Variants in CPED1 observed in about 807,000 individuals in gnomAD.
The protein encoded by CPED1 is cadherin-like and PC-esterase domain-containing protein 1.
CPED1 carries 114 observed loss-of-function variants against 128.2 expected under a neutral mutation model. The ratio of observed to expected loss-of-function variants is 0.89; its 90% confidence interval spans 0.76 to 1.04. The LOEUF (loss-of-function observed/expected upper bound fraction) is 1.04, where lower values mean the gene tolerates loss of function less well. Ranked by LOEUF, CPED1 falls within the 50% of genes least tolerant of loss-of-function variation. CPED1 has a pLI of 0.00. For synonymous variants in CPED1, 462 were observed against 426.7 expected (o/e 1.08, Z -1.02); for missense variants, 1,211 against 1,207.1 (o/e 1.00, Z -0.05).
intron 16 of CPED1, among the ~76,000 whole-genome samples, chr7:121,180,759 G>T (rs755030540): frequency 1.3e-5 from 2 of 151,970 alleles, no homozygotes; most frequent in Non-Finnish European, 2.9e-5. Flanking sequence ...TCTACCTATA[G>T]GCTTTAAAAT....
At chr7:121,265,448 T>C (rs1392656287) in intron 18 of CPED1, among the ~76,000 whole-genome samples, 1 of 151,978 alleles carries the variant, frequency 6.6e-6, no homozygotes, top group Non-Finnish European at 1.5e-5. Context: ...AAAAACAGTA[T>C]ATGTGAGAGG....
chr7:121,227,735 A>C (rs968073291), intron 16 of CPED1, among the ~76,000 whole-genome samples: 1 of 152,036 alleles, frequency 6.6e-6, no homozygotes, highest in African/African-American at 2.4e-5. Context: ...TTGTGAGAAA[A>C]ATAAGATAAT....
In CPED1 at chr7:121,295,777, A is replaced by G; in HGVS notation, c.*125A>G. The G allele has an allele frequency of 1.5e-6, 1 of 675,314 alleles. No individual in the cohort carries two copies. Among genetic ancestry groups the G allele is most frequent in the Non-Finnish European group, 2.6e-6 (1 of 382,428 alleles). 41.8% of individuals were successfully genotyped at this position (675,314 alleles called of 1,614,324 possible). A position where few individuals can be genotyped will look rare whatever the true frequency, so the allele number is the denominator to read the frequency against. On this transcript the variant is annotated 3_prime_UTR_variant, in exon 23 of 23. Coordinates refer to ENST00000310396, the MANE Select transcript of CPED1 (RefSeq NM_024913.5). ...ACCACACACACTTGTGCACACCAGCACATGCATGCACACCAGTACACACAC... is the reference window on the plus strand; with the variant it reads ...ACCACACACACTTGTGCACACCAGCGCATGCATGCACACCAGTACACACAC...
At chr7:121,055,638 T>C (rs1043755887) in intron 4 of CPED1, among the ~76,000 whole-genome samples, 9 of 151,094 alleles carry the variant, frequency 6.0e-5, no homozygotes, top group Non-Finnish European at 1.0e-4. Flanking sequence ...TATACATTCA[T>C]ATAGTTCAGT....
At chr7:121,270,231 A>C (rs943626194) in intron 21 of CPED1, among the ~76,000 whole-genome samples, 6 of 152,008 alleles carry the variant, frequency 3.9e-5, no homozygotes, top group African/African-American at 1.2e-4. Flanking sequence ...ACCACTTTTT[A>C]ATGGGTTTGT....
chr7:120,996,033 C>G (rs1796397960), intron 2 of CPED1, among the ~76,000 whole-genome samples: 1 of 151,734 alleles, frequency 6.6e-6, no homozygotes, highest in Non-Finnish European at 1.5e-5. Context: ...AATCCTAGCA[C>G]TTTGGGAGGC....
rs766277489 is a variant in CPED1 at position 121,266,770 on chromosome 7, T to A, written c.2595T>A (p.Asn865Lys). ...VLVVGGVQWL[N>K]SNHLQIIHKV... ...TTGTTGGTGGTGTTCAGTGGCTTAATTCCAATCACCTGCAAATTATTCACA... is the reference window on the plus strand; with the variant it reads ...TTGTTGGTGGTGTTCAGTGGCTTAAATCCAATCACCTGCAAATTATTCACA... Residue 865 changes from asparagine (N) to lysine (K), a missense_variant, in exon 20 of 23, where the codon AAT becomes AAA. Coordinates refer to ENST00000310396, the MANE Select transcript of CPED1 (RefSeq NM_024913.5). 1 of 1,612,938 alleles carries A rather than the reference T, an allele frequency of 6.2e-7. No individual in the cohort carries two copies. The highest frequency in any genetic ancestry group is 1.1e-5 in the South Asian group (1 of 91,048).
At chr7:121,128,927 C>A (rs1485914495) in intron 11 of CPED1, among the ~76,000 whole-genome samples, 1 of 151,784 alleles carries the variant, frequency 6.6e-6, no homozygotes, top group East Asian at 1.9e-4. Context: ...CTGCCTAAAC[C>A]TTAATTTCTT....
intron 16 of CPED1, among the ~76,000 whole-genome samples, chr7:121,220,309 T>G (rs1797847793): frequency 6.6e-6 from 1 of 152,024 alleles, no homozygotes; most frequent in South Asian, 2.1e-4. Flanking sequence ...TGAACTTGAA[T>G]GGTCATGGTT....
intron 12 of CPED1, 25 bp from the exon 13 acceptor site, chr7:121,133,798 G>T: frequency 6.6e-7 from 1 of 1,511,690 alleles, no homozygotes; most frequent in Non-Finnish European, 9.1e-7. Context: ...CATTAATCCA[G>T]AGTTGTTTGG....
intron 2 of CPED1, among the ~76,000 whole-genome samples, chr7:120,998,962 C>G (rs551820990): frequency 6.1e-4 from 93 of 152,154 alleles, no homozygotes; most frequent in Middle Eastern, 3.4e-3. Flanking sequence ...TATTGTCTTT[C>G]TACACAGAAT....
intron 16 of CPED1, among the ~76,000 whole-genome samples, chr7:121,160,147 A>G (rs1167816427): frequency 6.6e-6 from 1 of 152,012 alleles, no homozygotes; most frequent in Non-Finnish European, 1.5e-5. Flanking sequence ...GTTTATGGAT[A>G]TATAGTAGGT....
chr7:121,062,570 C>CT lies in CPED1; in HGVS notation c.541-1664dup, dbSNP rs371243459. Among the ~76,000 whole-genome samples the CT allele has an allele frequency of 6.6e-5, 10 of 152,280 alleles. 1 individual carries two copies. Among genetic ancestry groups the CT allele is most frequent in the African/African-American group, 2.4e-4 (10 of 41,560 alleles). On this transcript the variant is annotated intron_variant, in intron 4 of 22. Coordinates refer to ENST00000310396, the MANE Select transcript of CPED1 (RefSeq NM_024913.5). ...TACATTTAGTTTCTGAGATTTCTCA[C>CT]TTTTGGATTTGAGAAATCGAGACAG... is the stretch of plus-strand genomic sequence containing the variant.
intron 22 of CPED1, among the ~76,000 whole-genome samples, chr7:121,291,160 A>G (rs866790711): frequency 1.3e-5 from 2 of 152,246 alleles, no homozygotes; most frequent in South Asian, 2.1e-4. Context: ...CCATTGGTCT[A>G]TGTATCTGTT....
intron 16 of CPED1, among the ~76,000 whole-genome samples, chr7:121,152,987 GAAGA>G (rs542115309): frequency 1.1e-4 from 17 of 152,204 alleles, no homozygotes; most frequent in African/African-American, 3.9e-4. Context: ...AGCGGTCTCA[GAAGA>G]GAGACTGGGA....
chr7:121,142,931 G>A (rs1795940492), intron 16 of CPED1, among the ~76,000 whole-genome samples: 1 of 151,934 alleles, frequency 6.6e-6, no homozygotes, highest in Non-Finnish European at 1.5e-5. Context: ...TTGAAGAATA[G>A]CTGGTTAGTA....
intron 22 of CPED1, among the ~76,000 whole-genome samples, chr7:121,288,938 C>T (rs1264383200): frequency 6.6e-6 from 1 of 152,166 alleles, no homozygotes; most frequent in Non-Finnish European, 1.5e-5. Context: ...GCTCACTAAT[C>T]TTGCTGTTGA....
At chr7:121,242,756 G>C (rs1798426557) in intron 17 of CPED1, among the ~76,000 whole-genome samples, 1 of 151,966 alleles carries the variant, frequency 6.6e-6, no homozygotes, top group East Asian at 1.9e-4. Context: ...ACCCCTCAAA[G>C]TTATTGTATA....
intron 16 of CPED1, among the ~76,000 whole-genome samples, chr7:121,210,456 A>G (rs911538580): frequency 6.6e-6 from 1 of 152,082 alleles, no homozygotes; most frequent in African/African-American, 2.4e-5. Context: ...CACATACACA[A>G]TGGAGCACTA....
Sources: allele counts gnomAD v4.1 joint callset (sites outside exome capture counted in the v4.1 genomes callset), GRCh38; gene constraint gnomAD v4.1.1; transcripts MANE v1.5; gene names NCBI Gene and HGNC (gene_info 2026-07-23, HGNC 2026-07-21).